ZNF583: variants seen among roughly 807,000 people sequenced by gnomAD.
ZNF583 encodes zinc finger protein 583, also known as zinc finger protein L3-5.
Under a neutral mutation model 55.3 loss-of-function variants are expected in ZNF583, and 30 were observed. The observed-to-expected ratio is 0.54, with a 90% CI of 0.41 to 0.74. ZNF583 has a LOEUF of 0.74. Among genes scored for constraint, ZNF583 ranks in the 30% least tolerant of loss-of-function variants. ZNF583 has a pLI of 0.00. For synonymous variants in ZNF583, 208 were observed against 220.0 expected, an observed-to-expected ratio of 0.95 and a Z score of 0.48; for missense variants, 504 against 664.7, an observed-to-expected ratio of 0.76 and a Z score of 2.66.
intron 2 of ZNF583, among the ~76,000 whole-genome samples, chr19:56,412,851 G>T (rs955117483): frequency 1.8e-4 from 28 of 152,148 alleles, no homozygotes; most frequent in African/African-American, 6.5e-4. Flanking sequence ...CATAGTCTTT[G>T]AGATCAACTT....
intron 2 of ZNF583, among the ~76,000 whole-genome samples, chr19:56,411,874 C>G (rs2042243991): frequency 6.6e-6 from 1 of 152,096 alleles, no homozygotes; most frequent in South Asian, 2.1e-4. Context: ...CCGGCAGTAG[C>G]AATTAACATT....
At chr19:56,407,848 A>G (rs1486950247) in intron 2 of ZNF583, among the ~76,000 whole-genome samples, 1 of 152,260 alleles carries the variant, frequency 6.6e-6, no homozygotes, top group Non-Finnish European at 1.5e-5. Flanking sequence ...GTATATGTCT[A>G]TAATAATGAA....
intron 4 of ZNF583, chr19:56,421,533 GC>G (rs1193870755): frequency 1.0e-6 from 1 of 981,328 alleles, no homozygotes; most frequent in Non-Finnish European, 1.2e-6. Context: ...TAAGTATGTT[GC>G]CTTCAGATTC....
chr19:56,416,157 C>T (rs1049409676), intron 4 of ZNF583, among the ~76,000 whole-genome samples: 1 of 151,478 alleles, frequency 6.6e-6, no homozygotes, highest in Non-Finnish European at 1.5e-5. Flanking sequence ...GAAACCCTGC[C>T]TCTACTAAAA....
At chr19:56,414,228 A>C in intron 3 of ZNF583, 117 bp from the exon 4 acceptor site, 6 of 1,499,876 alleles carry the variant, frequency 4.0e-6, no homozygotes, top group East Asian at 2.3e-5. Flanking sequence ...TGGCAGCTTC[A>C]TCTTCCCCAT....
intron 1 of ZNF583, among the ~76,000 whole-genome samples, chr19:56,405,817 T>C (rs571692108): frequency 6.6e-6 from 1 of 152,276 alleles, no homozygotes; most frequent in South Asian, 2.1e-4. Context: ...CAACAATTGA[T>C]AGGGAATAGT....
At chr19:56,416,049 C>T (rs369661643) in intron 4 of ZNF583, among the ~76,000 whole-genome samples, 6 of 150,998 alleles carry the variant, frequency 4.0e-5, no homozygotes, top group African/African-American at 1.2e-4. Context: ...ATATATTGGT[C>T]GGGCGTGGTG....
Position 56,424,375 on chromosome 19 carries a change from C to T in ZNF583, c.*7C>T. 1 of 1,171,350 alleles carries T rather than the reference C, an allele frequency of 8.5e-7. No homozygotes were observed. Among genetic ancestry groups the T allele is most frequent in the Non-Finnish European group, 1.3e-6 (1 of 792,568 alleles). 72.6% of individuals were successfully genotyped at this position (1,171,350 alleles called of 1,614,324 possible). A position where few individuals can be genotyped will look rare whatever the true frequency, so the allele number is the denominator to read the frequency against. On this transcript the variant is annotated 3_prime_UTR_variant, in exon 5 of 5. Transcript: ENST00000333201. ...TGTAGGTTTCATCTCCTGAATATTTCTGGAATCCACCTCTTGAATCCATTT... is the reference window on the plus strand; with the variant it reads ...TGTAGGTTTCATCTCCTGAATATTTTTGGAATCCACCTCTTGAATCCATTT...
intron 2 of ZNF583, among the ~76,000 whole-genome samples, chr19:56,408,274 G>C: frequency 6.6e-6 from 1 of 152,136 alleles, no homozygotes; most frequent in East Asian, 1.9e-4. Context: ...AAAGAGTAAG[G>C]TGAGGCAGAT....
intron 1 of ZNF583, among the ~76,000 whole-genome samples, chr19:56,406,381 A>G (rs1192322161): frequency 6.6e-6 from 1 of 152,200 alleles, no homozygotes; most frequent in African/African-American, 2.4e-5. Flanking sequence ...AATTATTACC[A>G]TGATGCCTTG....
intron 2 of ZNF583, among the ~76,000 whole-genome samples, chr19:56,408,540 T>C (rs73934903): frequency 0.015 from 2,289 of 152,294 alleles, 67 homozygotes; most frequent in African/African-American, 0.052. Context: ...AAGATAATTA[T>C]GGGTGATCTT....
intron 4 of ZNF583, among the ~76,000 whole-genome samples, chr19:56,421,930 T>C (rs1374626532): frequency 2.8e-4 from 43 of 152,156 alleles, no homozygotes; most frequent in Non-Finnish European, 1.5e-5. Flanking sequence ...AAGGCCATAC[T>C]GAAGAGGTAA....
intron 4 of ZNF583, among the ~76,000 whole-genome samples, chr19:56,415,849 A>G (rs1400678358): frequency 6.6e-6 from 1 of 152,114 alleles, no homozygotes; most frequent in Non-Finnish European, 1.5e-5. Context: ...TACAGGCATC[A>G]GCCACTGCCC....
intron 4 of ZNF583, among the ~76,000 whole-genome samples, chr19:56,422,646 A>C (rs1172753741): frequency 6.6e-6 from 1 of 152,166 alleles, no homozygotes; most frequent in African/African-American, 2.4e-5. Context: ...AGATATAAAA[A>C]GATGATTATG....
chr19:56,421,081 C>T (rs895671309), intron 4 of ZNF583, among the ~76,000 whole-genome samples: 1 of 152,098 alleles, frequency 6.6e-6, no homozygotes, highest in Admixed American at 6.5e-5. Flanking sequence ...CTCAAAATGT[C>T]GTCTTGAGAC....
In ZNF583 at chr19:56,406,052, C is replaced by G. The variant is rs138873013; in HGVS notation, c.-89-974C>G. Among the ~76,000 whole-genome samples, 1,242 of 152,312 alleles carry G rather than the reference C, an allele frequency of 8.2e-3. 5 individuals carry two copies. Among genetic ancestry groups the G allele is most frequent in the Middle Eastern group, 0.02 (6 of 294 alleles). ...ACCATAGGGGGTTTGGATGACTGTT[C>G]AAGCATAGCCTGCTCCTCCCTCCCT... On this transcript the variant is annotated intron_variant, in intron 1 of 4. Transcript: ENST00000333201.
intron 2 of ZNF583, among the ~76,000 whole-genome samples, chr19:56,411,798 A>G (rs2042243066): frequency 6.6e-6 from 1 of 152,180 alleles, no homozygotes; most frequent in Non-Finnish European, 1.5e-5. Flanking sequence ...CGTGTAATTG[A>G]TATTTCTTGG....
rs1407317276 is a variant in ZNF583 at position 56,423,889 on chromosome 19, A to G, written c.1231A>G (p.Lys411Glu). The G allele has an allele frequency of 6.2e-7, 1 of 1,614,034 alleles. No homozygotes were observed. Among genetic ancestry groups the G allele is most frequent in the Non-Finnish European group, 8.5e-7 (1 of 1,179,950 alleles). Reference sequence around the variant, plus strand: ...TACTGGAGAAAAACCTTATGAATGTAAAGTATGTAGGAAAGCCTTCAGCCA... The same window carrying G: ...TACTGGAGAAAAACCTTATGAATGTGAAGTATGTAGGAAAGCCTTCAGCCA... ...VHTGEKPYEC[K>E]VCRKAFSQIA... The change falls in exon 5 of 5, where the codon AAA (lysine) becomes GAA (glutamate). Residue 411 changes from lysine (K) to glutamate (E), a missense_variant. Physicochemically the swap from Lys to Glu is moderately conservative, Grantham distance 56. Around this residue, in one of 3 missense-constraint regions of ZNF583, gnomAD observed 237 missense variants for 373.0 expected, o/e 0.64. Transcript: ENST00000333201.
At chr19:56,409,584 C>T (rs1005737836) in intron 2 of ZNF583, among the ~76,000 whole-genome samples, 2 of 151,758 alleles carry the variant, frequency 1.3e-5, no homozygotes, top group Non-Finnish European at 1.5e-5. Flanking sequence ...TGTCTTCCTG[C>T]CTCAGCCTCC....
Sources: gnomAD v4.1 joint callset for allele counts (sites outside exome capture counted in the v4.1 genomes callset) on GRCh38, gnomAD v4.1.1 for gene constraint, gnomAD v4.1.1 regional missense constraint, MANE v1.5 for transcripts, NCBI Gene and HGNC (gene_info 2026-07-23, HGNC 2026-07-21) for gene names.